The following DDX25 variants were observed in gnomAD, a reference collection of about 807,000 sequenced individuals.
DDX25 encodes the protein ATP-dependent RNA helicase DDX25.
DDX25 carries 70 observed loss-of-function variants against 64.6 expected under a neutral mutation model. That is an observed-to-expected ratio of 1.08 (90% CI 0.89 to 1.32). DDX25 has a LOEUF of 1.32. DDX25 is among the 40% of genes most tolerant of loss of function. The pLI, the probability that DDX25 is intolerant of heterozygous loss-of-function variation, is 0.00. For synonymous variants in DDX25, 211 were observed against 213.3 expected, an observed-to-expected ratio of 0.99 and a Z score of 0.09; for missense variants, 587 against 604.4, an observed-to-expected ratio of 0.97 and a Z score of 0.30.
At position 125,917,021 on chromosome 11, in the gene DDX25, C is replaced by A; in HGVS notation, c.808C>A (p.Pro270Thr). The change falls in exon 9 of 12, where the codon CCC (proline) becomes ACC (threonine). Residue 270 changes from proline to threonine, a missense_variant. Transcript: ENST00000263576. The part of the protein sequence containing the change: ...DHSIRIQRAL[P>T]SECQMLLFSA... ...TTCTCTCCTCTATCACAGAGCTCTACCCTCCGAATGCCAAATGCTCCTCTT... is the reference window on the plus strand; with the variant it reads ...TTCTCTCCTCTATCACAGAGCTCTAACCTCCGAATGCCAAATGCTCCTCTT... 6.3e-7 allele frequency: 1 copy of A among 1,591,896 alleles called. No individual in the cohort carries two copies. The highest frequency in any genetic ancestry group is 8.6e-7 in the Non-Finnish European group (1 of 1,168,808).
intron 9 of DDX25, among the ~76,000 whole-genome samples, chr11:125,918,163 G>A (rs1945064015): frequency 6.6e-6 from 1 of 152,114 alleles, no homozygotes; most frequent in Admixed American, 6.5e-5. Context: ...TTACAGGTGT[G>A]AGCCACCGCA....
chr11:125,923,771 A>G lies in DDX25; in HGVS notation c.*890A>G, dbSNP rs1945142501. 1.3e-5 allele frequency: 2 copies of G among 152,194 alleles called. No individual in the cohort carries two copies. Among genetic ancestry groups the G allele is most frequent in the African/African-American group, 4.8e-5 (2 of 41,448 alleles). The allele number at this position is 152,194 out of a possible 1,614,324, so 9.4% of individuals were successfully genotyped here. ...GAGCTTGAGAAGATGGGGTAAATGG[A>G]GAGTCCCCCAGAAAGCCGGAGCGGA... On this transcript the variant is annotated 3_prime_UTR_variant, in exon 12 of 12. Transcript: ENST00000263576.
Position 125,906,196 on chromosome 11 carries a change from G to T in DDX25, c.298G>T (p.Glu100Ter). 1 of 1,540,552 alleles carries T rather than the reference G, an allele frequency of 6.5e-7. No homozygotes were observed. The highest frequency in any genetic ancestry group is 8.7e-7 in the Non-Finnish European group (1 of 1,144,108). The change falls in exon 4 of 12, where the codon GAA (glutamate) becomes TAA (stop). Residue 100 changes from glutamate to a stop codon, truncating the protein, a stop_gained. Coordinates refer to ENST00000263576, the MANE Select transcript of DDX25 (RefSeq NM_013264.5). LOFTEE classifies it high-confidence loss of function. Reference sequence around the variant, plus strand: ...TCCACTTTACTCAGTAAAGACATTTGAAGAGCTGCGGCTGTGAGTATTTTT... The same window carrying T: ...TCCACTTTACTCAGTAAAGACATTTTAAGAGCTGCGGCTGTGAGTATTTTT... ...SSPLYSVKTF[E>*]ELRLKEELLK...
chr11:125,909,135 A>G (rs945545012), intron 6 of DDX25, among the ~76,000 whole-genome samples: 2 of 152,082 alleles, frequency 1.3e-5, no homozygotes, highest in African/African-American at 4.8e-5. Context: ...CCACTCATGA[A>G]AAGTATCTGG....
chr11:125,919,915 G>C (rs1316570352), intron 10 of DDX25, among the ~76,000 whole-genome samples: 1 of 152,148 alleles, frequency 6.6e-6, no homozygotes, highest in Non-Finnish European at 1.5e-5. Flanking sequence ...TTGAGGAACT[G>C]AATTTTTAAT....
intron 7 of DDX25, 139 bp downstream of exon 7, chr11:125,910,617 A>AT (rs1944954077): frequency 2.6e-6 from 2 of 757,148 alleles, no homozygotes; most frequent in Admixed American, 2.4e-5. Flanking sequence ...TGTTATTAGA[A>AT]TTGAGATGAC....
chr11:125,912,133 C>T (rs1944975626), intron 8 of DDX25, among the ~76,000 whole-genome samples: 1 of 152,172 alleles, frequency 6.6e-6, no homozygotes, highest in African/African-American at 2.4e-5. Flanking sequence ...CTTGCTCCAA[C>T]CTGAAGAGAA....
Position 125,923,526 on chromosome 11 carries a change from A to G in DDX25, c.*645A>G, listed in dbSNP as rs1945140115. On this transcript the variant is annotated 3_prime_UTR_variant, in exon 12 of 12. Transcript: ENST00000263576. ...TTTACTCCCTCATCAGTTATTTCATAGTCTCTAAAAGTGTGGCTGTATTAT... is the reference window on the plus strand; with the variant it reads ...TTTACTCCCTCATCAGTTATTTCATGGTCTCTAAAAGTGTGGCTGTATTAT... 6.6e-6 allele frequency: 1 copy of G among 152,172 alleles called. No individual in the cohort carries two copies. The highest frequency in any genetic ancestry group is 2.1e-4 in the South Asian group (1 of 4,826). 9.4% of individuals were successfully genotyped at this position (152,172 alleles called of 1,614,324 possible).
In DDX25 at chr11:125,921,007, C is replaced by T; in HGVS notation, c.1202-184C>T. 3.4e-6 allele frequency: 2 copies of T among 594,808 alleles called. No homozygotes were observed. Among genetic ancestry groups the T allele is most frequent in the Non-Finnish European group, 5.9e-6 (2 of 339,566 alleles). 36.8% of individuals were successfully genotyped at this position (594,808 alleles called of 1,614,324 possible). A position where few individuals can be genotyped will look rare whatever the true frequency, so the allele number is the denominator to read the frequency against. ...ATTCTCTATGGACACGCTCATCTAG[C>T]ATCATAGACATCACAGCATGCAAGC... On this transcript the variant is annotated intron_variant, in intron 10 of 11. Transcript: ENST00000263576. The surrounding 1 kb of genome is among the most constrained non-coding windows in gnomAD (Gnocchi z 4.1).
At chr11:125,906,017 C>G (rs1249721642) in intron 3 of DDX25, 57 bp from the exon 4 acceptor site, 79 of 1,493,416 alleles carry the variant, frequency 5.3e-5, no homozygotes, top group Non-Finnish European at 6.8e-5. Flanking sequence ...GAAAGAGCAA[C>G]TTATTTGATG....
intron 9 of DDX25, among the ~76,000 whole-genome samples, 158 bp from the exon 10 acceptor site, chr11:125,918,470 T>G (rs1945067868): frequency 6.6e-6 from 1 of 152,186 alleles, no homozygotes; most frequent in African/African-American, 2.4e-5. Flanking sequence ...GAGGATGCCC[T>G]GCCACATTTT....
Position 125,921,238 on chromosome 11 carries a change from G to A in DDX25, c.1249G>A (p.Val417Ile), listed in dbSNP as rs762057597. 5.0e-6 allele frequency: 8 copies of A among 1,612,710 alleles called. No homozygotes were observed. Among genetic ancestry groups the A allele is most frequent in the East Asian group, 2.2e-5 (1 of 44,840 alleles). Residue 417 changes from valine (V) to isoleucine (I), a missense_variant, in exon 11 of 12, where the codon GTA (valine) becomes ATA (isoleucine). Physicochemically the swap from Val to Ile is conservative, Grantham distance 29. Coordinates refer to ENST00000263576, the MANE Select transcript of DDX25 (RefSeq NM_013264.5). The surrounding 1 kb of genome is among the most constrained non-coding windows in gnomAD (Gnocchi z 4.1). ...AATTGTTGTGAACTTTGATCTCCCT[G>A]TAAAACAAGGAGAGGAGCCGGACTA... is the stretch of plus-strand genomic sequence containing the variant. The part of the protein sequence containing the change: ...VTIVVNFDLP[V>I]KQGEEPDYET...
At chr11:125,906,902 A>T (rs1023426938) in intron 4 of DDX25, among the ~76,000 whole-genome samples, 1 of 151,016 alleles carries the variant, frequency 6.6e-6, no homozygotes, top group Non-Finnish European at 1.5e-5. Context: ...AACATTTTTG[A>T]TAGTAAGATA....
rs1944968841 is a variant in DDX25 at position 125,911,494 on chromosome 11, C to T, written c.800+6C>T. ...CATAGTATTCGTATTCAAAGGTAAT[C>T]TTCAGAGTCTTCCTCTCTTCCTCAG... On this transcript the variant is annotated splice_donor_region_variant and intron_variant, in intron 8 of 11. Transcript: ENST00000263576. 1.2e-6 allele frequency: 2 copies of T among 1,612,278 alleles called. No individual in the cohort carries two copies. Among genetic ancestry groups the T allele is most frequent in the Admixed American group, 1.7e-5 (1 of 59,894 alleles).
intron 1 of DDX25, 24 bp downstream of exon 1, chr11:125,904,604 C>T (rs1944850844): frequency 1.4e-6 from 2 of 1,447,984 alleles, no homozygotes; most frequent in South Asian, 1.4e-5. Context: ...AGCCGGGGGG[C>T]CACAGCCGCG....
chr11:125,925,260 C>T lies in DDX25; in HGVS notation c.*2379C>T, dbSNP rs1350662333. On this transcript the variant is annotated 3_prime_UTR_variant, in exon 12 of 12. Coordinates refer to ENST00000263576, the MANE Select transcript of DDX25 (RefSeq NM_013264.5). Reference sequence around the variant, plus strand: ...CTCCGCCAGTTACCCTCACAAATGTCCTCAGTAATTTTTGTTTGGCAGCTG... The same window carrying T: ...CTCCGCCAGTTACCCTCACAAATGTTCTCAGTAATTTTTGTTTGGCAGCTG... The T allele has an allele frequency of 2.7e-6, 1 of 370,344 alleles. No homozygotes were observed. Among genetic ancestry groups the T allele is most frequent in the Non-Finnish European group, 5.5e-6 (1 of 182,146 alleles). The allele number at this position is 370,344 out of a possible 1,614,324, so 22.9% of individuals were successfully genotyped here.
In DDX25 at chr11:125,906,787, C is replaced by T. The variant is rs181739070; in HGVS notation, c.311+578C>T. Among the ~76,000 whole-genome samples the T allele has an allele frequency of 8.4e-3, 1,215 of 143,794 alleles. 23 individuals are homozygous for T. Among genetic ancestry groups the T allele is most frequent in the African/African-American group, 0.029 (1,127 of 38,528 alleles). The allele number at this position is 143,794 out of a possible 152,430, so 94.3% of individuals were successfully genotyped here. On this transcript the variant is annotated intron_variant, in intron 4 of 11. Coordinates refer to ENST00000263576, the MANE Select transcript of DDX25 (RefSeq NM_013264.5). The stretch of plus-strand genomic sequence containing the variant: ...GTTGCAGTGAGCCGAGACACCATTG[C>T]ACTCCAAGCCTGGGTGACAGAGTGA...
Position 125,922,864 on chromosome 11 carries a change from G to A in DDX25, c.1435G>A (p.Glu479Lys). 1 of 1,608,756 alleles carries A rather than the reference G, an allele frequency of 6.2e-7. No individual in the cohort carries two copies. Among genetic ancestry groups the A allele is most frequent in the Non-Finnish European group, 8.5e-7 (1 of 1,177,076 alleles). The change falls in exon 12 of 12, where the codon GAA becomes AAA. Residue 479 changes from glutamate to lysine, a missense_variant. Physicochemically the swap from Glu to Lys is moderately conservative, Grantham distance 56 (BLOSUM62 1). Transcript: ENST00000263576. ...QLNAEDMDEIEKIDY is the reference protein window; with the variant it reads ...QLNAEDMDEIKKIDY ...CAACGCTGAAGACATGGATGAAATT[G>A]AAAAGATTGACTATTGAAGAAAGAA... is the stretch of plus-strand genomic sequence containing the variant.
At chr11:125,908,379 A>G in intron 5 of DDX25, 22 bp from the exon 6 acceptor site, 1 of 1,613,774 alleles carries the variant, frequency 6.2e-7, no homozygotes, top group Non-Finnish European at 8.5e-7. Context: ...GTTTATGCCC[A>G]GTGGTCTTCT....
Sources: gnomAD v4.1 joint callset for allele counts (sites outside exome capture counted in the v4.1 genomes callset) on GRCh38, gnomAD v4.1.1 for gene constraint, Gnocchi (gnomAD v3.1) non-coding constraint, MANE v1.5 for transcripts, NCBI Gene and HGNC (gene_info 2026-07-23, HGNC 2026-07-21) for gene names.